MAST2: variants seen among roughly 807,000 people sequenced by gnomAD.
The protein encoded by MAST2 is microtubule-associated serine/threonine-protein kinase 2.
MAST2 carries 70 observed loss-of-function variants against 147.4 expected under a neutral mutation model. That is an observed-to-expected ratio of 0.47 (90% CI 0.39 to 0.58). The LOEUF is 0.58. Among genes scored for constraint, MAST2 ranks in the 20% least tolerant of loss-of-function variants. The pLI is 0.00. For missense variants in MAST2, 2,080 were observed against 2,302.3 expected (o/e 0.90, Z 1.98); for synonymous variants, 869 against 896.8 (o/e 0.97, Z 0.55).
chr1:45,898,810 A>G (rs1299599333), intron 4 of MAST2, among the ~76,000 whole-genome samples: 1 of 152,184 alleles, frequency 6.6e-6, no homozygotes, highest in Non-Finnish European at 1.5e-5. Flanking sequence ...GCACTGCTGC[A>G]TTGCCCCCAT....
At chr1:45,847,240 G>A (rs1645466015) in intron 3 of MAST2, 1 of 519,826 alleles carries the variant, frequency 1.9e-6, no homozygotes, top group Admixed American at 2.1e-5. Context: ...TTATACTGCT[G>A]TCCCTCCCGC....
At chr1:45,979,497 T>C (rs1261762773) in intron 5 of MAST2, among the ~76,000 whole-genome samples, 2 of 151,346 alleles carry the variant, frequency 1.3e-5, no homozygotes, top group African/African-American at 4.8e-5. Flanking sequence ...TTCTTCTCAA[T>C]AATGTCATTT....
At chr1:45,936,476 A>G (rs768672399) in intron 4 of MAST2, among the ~76,000 whole-genome samples, 35 of 150,680 alleles carry the variant, frequency 2.3e-4, no homozygotes, top group Non-Finnish European at 3.5e-4. Flanking sequence ...TTTGCCCAGC[A>G]TGATGTTACC....
chr1:45,806,612 C>G (rs974502732), intron 1 of MAST2, among the ~76,000 whole-genome samples: 1 of 152,186 alleles, frequency 6.6e-6, no homozygotes, highest in Non-Finnish European at 1.5e-5. Flanking sequence ...GAGTCTTGCT[C>G]TCTCGCCCAG....
intron 3 of MAST2, among the ~76,000 whole-genome samples, chr1:45,860,136 T>C (rs1308539189): frequency 6.6e-6 from 1 of 151,804 alleles, no homozygotes; most frequent in Non-Finnish European, 1.5e-5. Flanking sequence ...GATGGGCAGA[T>C]TACTTGAGGC....
intron 5 of MAST2, among the ~76,000 whole-genome samples, chr1:45,989,649 T>A (rs138711570): frequency 1.3e-5 from 2 of 152,214 alleles, no homozygotes; most frequent in Non-Finnish European, 2.9e-5. Context: ...CTGTATGTTT[T>A]GACAAATGCG....
chr1:46,035,460 A>G lies in MAST2; in HGVS notation c.4791A>G (p.Ser1597=), dbSNP rs1368546394. 6.2e-7 allele frequency: 1 copy of G among 1,613,306 alleles called. No homozygotes were observed. The highest frequency in any genetic ancestry group is 1.7e-5 in the Admixed American group (1 of 60,012). ...QAIEEAASSS[S]AGPNLGQSGA... ...TTGAGGAGGCTGCCAGCTCCTCCTCAGCAGGCCCCAACCTAGGTCAGTCTG... is the reference window on the plus strand; with the variant it reads ...TTGAGGAGGCTGCCAGCTCCTCCTCGGCAGGCCCCAACCTAGGTCAGTCTG... The change falls in exon 29 of 29, where the codon TCA becomes TCG. Residue 1597 remains serine (S), a synonymous_variant. Coordinates refer to ENST00000361297, the MANE Select transcript of MAST2 (RefSeq NM_015112.3). The surrounding 1 kb of genome is among the most constrained non-coding windows in gnomAD (Gnocchi z 5.5).
intron 1 of MAST2, among the ~76,000 whole-genome samples, chr1:45,811,465 A>C (rs1644296797): frequency 6.7e-6 from 1 of 149,560 alleles, no homozygotes; most frequent in Admixed American, 6.7e-5. Flanking sequence ...CAGCCTCTGG[A>C]GTAGCTGGGA....
In MAST2 at chr1:45,811,429, C is replaced by T. The variant is rs1644295073; in HGVS notation, c.177+7357C>T. 5.9e-5 allele frequency among the ~76,000 whole-genome samples: 9 copies of T among 151,310 alleles called. No homozygotes were observed. In the South Asian group the frequency reaches 1.9e-3, roughly 32 times the overall value. ...TCTCGGCTCACTGCAAGCTCCGCCT[C>T]CCGGGTTCGCGCCATTCTCTTGCCT... On this transcript the variant is annotated intron_variant, in intron 1 of 28. Coordinates refer to ENST00000361297, the MANE Select transcript of MAST2 (RefSeq NM_015112.3).
At chr1:46,025,083 C>G (rs951165785) in intron 15 of MAST2, among the ~76,000 whole-genome samples, 5 of 152,144 alleles carry the variant, frequency 3.3e-5, no homozygotes, top group African/African-American at 1.2e-4. Context: ...CTTTGGGAGG[C>G]TGAGCCAGGT....
chr1:46,035,324 C>G lies in MAST2; in HGVS notation c.4655C>G (p.Pro1552Arg), dbSNP rs765868310. 4 of 1,613,850 alleles carry G rather than the reference C, an allele frequency of 2.5e-6. No individual in the cohort carries two copies. Among genetic ancestry groups the G allele is most frequent in the South Asian group, 2.2e-5 (2 of 91,060 alleles). The change falls in exon 29 of 29, where the codon CCT becomes CGT. Residue 1552 changes from proline (P) to arginine (R), a missense_variant. This residue lies in a region of MAST2 where 1,278 missense variants were observed against 1,304.2 expected (regional missense o/e 0.98). Transcript: ENST00000361297. This position sits in a 1 kb window ranked among gnomAD's most constrained non-coding sequence, Gnocchi z 5.5. ...GEEDPFPSRDPRSLGPMVPSL... is the reference protein window; with the variant it reads ...GEEDPFPSRDRRSLGPMVPSL... ...GAGGATCCTTTCCCGTCCAGAGACC[C>G]TAGGAGCCTGGGCCCAATGGTCCCA...
At chr1:45,938,565 G>A (rs970670474) in intron 4 of MAST2, among the ~76,000 whole-genome samples, 2 of 152,180 alleles carry the variant, frequency 1.3e-5, no homozygotes, top group African/African-American at 4.8e-5. Context: ...GGGCTCAAGT[G>A]ATTCTCCTGT....
Position 45,940,352 on chromosome 1 carries a change from ACTT to A in MAST2, c.501-19030_501-19028del, listed in dbSNP as rs1416816412. On this transcript the variant is annotated intron_variant, in intron 4 of 28. Coordinates refer to ENST00000361297, the MANE Select transcript of MAST2 (RefSeq NM_015112.3). ...ATAGTTTTCAGCATACAAGTCTCATACTTCTTTTGTTAAATTTATTTCTAAGTA... is the reference window on the plus strand; with the variant it reads ...ATAGTTTTCAGCATACAAGTCTCATACTTTTGTTAAATTTATTTCTAAGTA... Among the ~76,000 whole-genome samples the A allele has an allele frequency of 2.6e-5, 4 of 151,906 alleles. No individual in the cohort carries two copies. In the East Asian group the frequency reaches 7.7e-4, roughly 29 times the overall value.
intron 1 of MAST2, among the ~76,000 whole-genome samples, chr1:45,809,352 A>G (rs760961035): frequency 1.3e-5 from 2 of 152,184 alleles, no homozygotes; most frequent in Non-Finnish European, 2.9e-5. Context: ...TGCCACAGAA[A>G]CTTCTGTGAG....
intron 5 of MAST2, among the ~76,000 whole-genome samples, chr1:45,996,366 A>AT (rs1053406041): frequency 1.6e-4 from 24 of 151,692 alleles, no homozygotes; most frequent in African/African-American, 1.7e-4. Context: ...AAAGAACAGA[A>AT]TTTTTTTTAA....
At chr1:45,910,850 T>G (rs1411688328) in intron 4 of MAST2, among the ~76,000 whole-genome samples, 2 of 152,116 alleles carry the variant, frequency 1.3e-5, no homozygotes, top group African/African-American at 2.4e-5. Context: ...ATAAATGGCG[T>G]TCTGATATAG....
At chr1:45,835,917 A>G (rs961285686) in intron 3 of MAST2, among the ~76,000 whole-genome samples, 2 of 152,182 alleles carry the variant, frequency 1.3e-5, no homozygotes, top group Non-Finnish European at 2.9e-5. Context: ...ATTTTTCTGC[A>G]TTATAGCATG....
In MAST2 at chr1:46,030,746, T is replaced by C. The variant is rs756497986; in HGVS notation, c.2693T>C (p.Ile898Thr). Residue 898 changes from isoleucine (I) to threonine (T), a missense_variant, in exon 22 of 29, where the codon ATT (isoleucine) becomes ACT (threonine). By Grantham distance (89) the Ile-to-Thr change is moderately conservative. Around this residue, in one of 4 missense-constraint regions of MAST2, gnomAD observed 1,278 missense variants for 1,304.2 expected, o/e 0.98. Coordinates refer to ENST00000361297, the MANE Select transcript of MAST2 (RefSeq NM_015112.3). The stretch of plus-strand genomic sequence containing the variant: ...AAAGGCCGAGACCGGAGCTGGGTGA[T>C]TGGCTCCCCTGAGATGTGAGCACCC... The part of the protein sequence containing the change: ...GLKGRDRSWV[I>T]GSPEILRKRL... The C allele has an allele frequency of 1.9e-6, 3 of 1,585,692 alleles. No individual in the cohort carries two copies. The highest frequency in any genetic ancestry group is 2.3e-5 in the East Asian group (1 of 44,392).
chr1:45,939,979 G>GTTTTTT (rs148351945), intron 4 of MAST2, among the ~76,000 whole-genome samples: 10 of 28,666 alleles, frequency 3.5e-4, no homozygotes, highest in African/African-American at 5.4e-4. Context: ...ATTTATTTAG[G>GTTTTTT]GTTTTTTTTT....
Sources: allele counts gnomAD v4.1 joint callset (sites outside exome capture counted in the v4.1 genomes callset), GRCh38; gene constraint gnomAD v4.1.1; regional missense constraint gnomAD v4.1.1; non-coding constraint Gnocchi (gnomAD v3.1); transcripts MANE v1.5; gene names NCBI Gene and HGNC (gene_info 2026-07-23, HGNC 2026-07-21).